SUMF1: variants seen among roughly 807,000 people sequenced by gnomAD.
SUMF1 encodes formylglycine-generating enzyme.
Under a neutral mutation model 47.6 loss-of-function variants are expected in SUMF1, and 48 were observed. The observed-to-expected ratio is 1.01, with a 90% confidence interval of 0.80 to 1.28. The LOEUF is 1.28. Among genes scored for constraint, SUMF1 ranks in the 50% most tolerant of loss-of-function variants. SUMF1 has a pLI of 0.00. For synonymous variants in SUMF1, 230 were observed against 192.1 expected (o/e 1.20, Z -1.63); for missense variants, 571 against 485.4 (o/e 1.18, Z -1.66).
At chr3:4,207,533 T>C (rs1574977965) in intron 8 of SUMF1, among the ~76,000 whole-genome samples, 3 of 152,258 alleles carry the variant, frequency 2.0e-5, no homozygotes, top group African/African-American at 7.2e-5. Context: ...TTGGATATTT[T>C]CAAACGTTTT....
chr3:4,122,927 G>A (rs1286813579), intron 8 of SUMF1, among the ~76,000 whole-genome samples: 1 of 152,124 alleles, frequency 6.6e-6, no homozygotes, highest in African/African-American at 2.4e-5. Context: ...CAGGCACTGG[G>A]GGACAGTGGA....
At chr3:4,397,564 C>G (rs981962116) in intron 7 of SUMF1, among the ~76,000 whole-genome samples, 1 of 152,136 alleles carries the variant, frequency 6.6e-6, no homozygotes, top group Non-Finnish European at 1.5e-5. Flanking sequence ...TTTCACTTAA[C>G]CATTATTTTC....
intron 8 of SUMF1, among the ~76,000 whole-genome samples, chr3:4,315,449 C>A (rs1313645748): frequency 6.6e-6 from 1 of 152,134 alleles, no homozygotes; most frequent in African/African-American, 2.4e-5. Context: ...CACAAACAGC[C>A]CCCTCCAACT....
At chr3:4,136,878 T>C (rs949452215) in intron 8 of SUMF1, among the ~76,000 whole-genome samples, 35 of 152,158 alleles carry the variant, frequency 2.3e-4, no homozygotes, top group African/African-American at 2.7e-4. Flanking sequence ...AAAATGCTCA[T>C]CATCACTGGC....
chr3:4,104,666 T>TTTTCTC (rs1553600529), intron 8 of SUMF1, among the ~76,000 whole-genome samples: 1 of 146,752 alleles, frequency 6.8e-6, no homozygotes, highest in African/African-American at 2.5e-5. Flanking sequence ...AAATCTCGAT[T>TTTTCTC]TCTCTCTCTC....
chr3:4,374,540 GT>G (rs575144618), intron 8 of SUMF1, among the ~76,000 whole-genome samples: 92 of 152,230 alleles, frequency 6.0e-4, no homozygotes, highest in East Asian at 7.7e-4. Context: ...TGCTTAAAAT[GT>G]TTTTTACAAG....
At chr3:4,285,013 CAAGT>C (rs1015593083) in intron 8 of SUMF1, among the ~76,000 whole-genome samples, 9 of 152,274 alleles carry the variant, frequency 5.9e-5, no homozygotes, top group South Asian at 4.1e-4. Context: ...CTTCGTCTCA[CAAGT>C]AAGATGAGGC....
intron 7 of SUMF1, among the ~76,000 whole-genome samples, chr3:4,381,745 C>T (rs1475263629): frequency 6.6e-6 from 1 of 152,078 alleles, no homozygotes; most frequent in East Asian, 1.9e-4. Flanking sequence ...AATAGAATAT[C>T]ACTATGTCAA....
chr3:4,225,931 G>T (rs1191696798), intron 8 of SUMF1, among the ~76,000 whole-genome samples: 1 of 152,040 alleles, frequency 6.6e-6, no homozygotes, highest in Non-Finnish European at 1.5e-5. Flanking sequence ...CAATAAAACA[G>T]GAAGATGTAG....
chr3:4,298,166 C>A (rs1697891648), intron 8 of SUMF1, among the ~76,000 whole-genome samples: 1 of 152,124 alleles, frequency 6.6e-6, no homozygotes. Flanking sequence ...TAGGGCAATT[C>A]ATTAATGTCC....
At chr3:4,374,883 C>T (rs757802144) in intron 8 of SUMF1, among the ~76,000 whole-genome samples, 2 of 151,930 alleles carry the variant, frequency 1.3e-5, no homozygotes. Context: ...GATTTTAGGC[C>T]GGGCACAGTG....
intron 8 of SUMF1, among the ~76,000 whole-genome samples, chr3:4,347,329 C>T (rs1191891888): frequency 6.6e-6 from 1 of 152,116 alleles, no homozygotes; most frequent in African/African-American, 2.4e-5. Flanking sequence ...AAACAACTTA[C>T]CCACCACAAT....
At chr3:4,409,736 G>A (rs17040638) in intron 7 of SUMF1, among the ~76,000 whole-genome samples, 14,284 of 152,146 alleles carry the variant, frequency 0.094, 1,082 homozygotes, top group East Asian at 0.33. Flanking sequence ...AAACTGAGGA[G>A]GGATGACGGC....
chr3:4,404,695 T>G (rs1403040569), intron 7 of SUMF1, among the ~76,000 whole-genome samples: 2 of 151,832 alleles, frequency 1.3e-5, no homozygotes. Context: ...ACCCAGGAGG[T>G]GGAGGTTGCA....
chr3:4,105,572 G>C (rs1374404158), intron 8 of SUMF1, among the ~76,000 whole-genome samples: 1 of 152,040 alleles, frequency 6.6e-6, no homozygotes, highest in Non-Finnish European at 1.5e-5. Flanking sequence ...AAAGATTTTT[G>C]GGTCCAGGTA....
downstream of SUMF1, among the ~76,000 whole-genome samples, chr3:4,360,514 G>A (rs1699726035): frequency 1.3e-5 from 2 of 151,952 alleles, no homozygotes. Flanking sequence ...TGTATTTTTA[G>A]TAGAAATAGG....
chr3:4,362,255 CTG>C lies in SUMF1; in HGVS notation c.1015-3_1015-2del, dbSNP rs1559245013. The C allele has an allele frequency of 1.7e-5, 27 of 1,613,762 alleles. No homozygotes were observed. The highest frequency in any genetic ancestry group is 2.0e-5 in the Non-Finnish European group (24 of 1,179,682). ...CACAGCGATACCTGTAACAATAAGA[CTG>C]TGTAGAGAGAAAGAGCAAGGTAAGT... On this transcript the variant is annotated splice_acceptor_variant and splice_polypyrimidine_tract_variant and intron_variant, in intron 8 of 8. Coordinates refer to ENST00000272902, the MANE Select transcript of SUMF1 (RefSeq NM_182760.4). LOFTEE classifies it high-confidence loss of function.
chr3:4,458,043 A>T (rs1417065698), intron 1 of SUMF1, among the ~76,000 whole-genome samples: 1 of 152,220 alleles, frequency 6.6e-6, no homozygotes. Flanking sequence ...TAGCAAGAAA[A>T]CAAAGAACTC....
intron 9 of SUMF1, among the ~76,000 whole-genome samples, chr3:4,046,666 G>A (rs1275026394): frequency 1.3e-5 from 2 of 151,882 alleles, no homozygotes; most frequent in African/African-American, 4.9e-5. Context: ...GCTCCAGTTT[G>A]TCCACTTCCC....
Sources: gnomAD v4.1 joint callset for allele counts (sites outside exome capture counted in the v4.1 genomes callset) on GRCh38, gnomAD v4.1.1 for gene constraint, MANE v1.5 for transcripts, NCBI Gene and HGNC (gene_info 2026-07-23, HGNC 2026-07-21) for gene names.